Variants in DNAH2 observed in about 807,000 individuals in gnomAD.
DNAH2 encodes the protein dynein axonemal heavy chain 2, also known as axonemal beta dynein heavy chain 2.
In DNAH2, 323 loss-of-function variants were observed where a neutral mutation model predicts 523.5. That is an observed-to-expected ratio of 0.62 (90% CI 0.56 to 0.68). The LOEUF (loss-of-function observed/expected upper bound fraction) is 0.68, where lower values mean the gene tolerates loss of function less well. Among genes scored for constraint, DNAH2 ranks in the 30% least tolerant of loss-of-function variants. The probability of loss-of-function intolerance (pLI) is 0.00; values close to 1 mark genes in which losing one functional copy is unlikely to be tolerated. For synonymous variants in DNAH2, 2,093 were observed against 2,177.4 expected, an observed-to-expected ratio of 0.96 and a Z score of 1.08; for missense variants, 4,907 against 5,701.5, an observed-to-expected ratio of 0.86 and a Z score of 4.49.
chr17:7,768,541 C>G (rs2076233414), intron 24 of DNAH2, among the ~76,000 whole-genome samples: 1 of 152,110 alleles, frequency 6.6e-6, no homozygotes, highest in Non-Finnish European at 1.5e-5. Flanking sequence ...ACCTCACATA[C>G]CTATTTTTTG....
intron 47 of DNAH2, 23 bp downstream of exon 47, chr17:7,792,878 A>G (rs1462091503): frequency 6.2e-7 from 1 of 1,606,416 alleles, no homozygotes; most frequent in South Asian, 1.1e-5. Context: ...TCCAGGGGCC[A>G]GGCTGCCGGC....
At chr17:7,802,924 T>C (rs7208133) in intron 58 of DNAH2, among the ~76,000 whole-genome samples, 142,492 of 151,838 alleles carry the variant, frequency 0.94, 67,444 homozygotes, top group Non-Finnish European at 1. Flanking sequence ...CCTCCGGCCT[T>C]GGCCTCCCAA....
intron 28 of DNAH2, among the ~76,000 whole-genome samples, chr17:7,773,723 T>C (rs1480128721): frequency 6.6e-6 from 1 of 152,166 alleles, no homozygotes; most frequent in Non-Finnish European, 1.5e-5. Flanking sequence ...AAGATTCATA[T>C]TCTGTTTTTC....
chr17:7,820,660 T>C (rs2077826181), intron 72 of DNAH2, among the ~76,000 whole-genome samples: 1 of 152,240 alleles, frequency 6.6e-6, no homozygotes, highest in South Asian at 2.1e-4. Context: ...TTATTCATCT[T>C]TGTGTCTTCA....
intron 61 of DNAH2, 124 bp downstream of exon 61, chr17:7,805,517 G>C: frequency 7.2e-7 from 1 of 1,393,224 alleles, no homozygotes; most frequent in Non-Finnish European, 9.7e-7. Flanking sequence ...CAAGAGCACA[G>C]GGCCTAGTAG....
At chr17:7,792,928 A>T in intron 47 of DNAH2, 53 bp from the exon 48 acceptor site, 1 of 1,602,998 alleles carries the variant, frequency 6.2e-7, no homozygotes, top group African/African-American at 1.3e-5. Flanking sequence ...CTCCTCTCTA[A>T]GCCCGTATTT....
At chr17:7,756,081 G>T (rs921040199) in intron 12 of DNAH2, among the ~76,000 whole-genome samples, 2 of 151,564 alleles carry the variant, frequency 1.3e-5, no homozygotes, top group African/African-American at 4.8e-5. Flanking sequence ...CTCTACTAAA[G>T]ATACAAAAAT....
chr17:7,737,041 T>A, intron 7 of DNAH2, 26 bp from the exon 8 acceptor site: 1 of 1,599,054 alleles, frequency 6.3e-7, no homozygotes, highest in Non-Finnish European at 8.6e-7. Context: ...TGCATAAATC[T>A]ATTTCTCATC....
chr17:7,721,526 G>A (rs191675459), intron 2 of DNAH2, among the ~76,000 whole-genome samples: 209 of 142,626 alleles, frequency 1.5e-3, no homozygotes, highest in Admixed American at 2.8e-3. Context: ...TTTCCCAAGG[G>A]AGTTGGATCA....
chr17:7,731,475 T>G (rs1161239053), intron 4 of DNAH2, among the ~76,000 whole-genome samples: 1 of 152,112 alleles, frequency 6.6e-6, no homozygotes, highest in South Asian at 2.1e-4. Flanking sequence ...TAAATTCAAG[T>G]AAAATTAAAT....
intron 4 of DNAH2, among the ~76,000 whole-genome samples, chr17:7,730,465 C>T (rs1345736866): frequency 6.6e-6 from 1 of 152,152 alleles, no homozygotes; most frequent in Admixed American, 6.6e-5. Flanking sequence ...CCCTGAAATG[C>T]AGAAGGAACT....
At chr17:7,825,893 A>G (rs547694770) in intron 77 of DNAH2, among the ~76,000 whole-genome samples, 2 of 152,244 alleles carry the variant, frequency 1.3e-5, no homozygotes, top group Non-Finnish European at 2.9e-5. Context: ...GTTTAGAGGC[A>G]GGATATTTTT....
rs751205570 is a variant in DNAH2 at position 7,768,001 on chromosome 17, C to T, written c.3777C>T (p.Thr1259=). ...TGRFLILQTE[T]METTAHGLFR... ...GGTTCCTGATCCTGCAGACGGAAAC[C>T]ATGGAGACCACGGCCCACGGGCTGT... The change falls in exon 23 of 86, where the codon ACC becomes ACT. Residue 1259 remains threonine (T), a synonymous_variant. Transcript: ENST00000572933. 1.2e-6 allele frequency: 2 copies of T among 1,614,182 alleles called. No individual in the cohort carries two copies. The highest frequency in any genetic ancestry group is 1.1e-5 in the South Asian group (1 of 91,080).
intron 12 of DNAH2, among the ~76,000 whole-genome samples, chr17:7,745,141 C>G (rs1052580107): frequency 2.0e-5 from 3 of 151,974 alleles, no homozygotes; most frequent in African/African-American, 7.3e-5. Context: ...ATTACAGGCG[C>G]CCGCCACCAC....
chr17:7,741,261 T>C (rs2075316236), intron 11 of DNAH2, among the ~76,000 whole-genome samples: 4 of 43,174 alleles, frequency 9.3e-5, no homozygotes, highest in African/African-American at 4.0e-4. Context: ...TTTCTTTCTT[T>C]CTTTCTTTCT....
rs1044388691 is a variant in DNAH2 at position 7,734,126 on chromosome 17, C to G, written c.629-57C>G. ...TACCGATCATCAACCGTGATTCCTA[C>G]GGGGCCAGCAAGAACTCATCCCCTC... On this transcript the variant is annotated intron_variant, in intron 5 of 85. Coordinates refer to ENST00000572933, the MANE Select transcript of DNAH2 (RefSeq NM_020877.5). 3 of 1,462,198 alleles carry G rather than the reference C, an allele frequency of 2.1e-6. No homozygotes were observed. In the African/African-American group the frequency reaches 4.2e-5, roughly 21 times the overall value. The allele number at this position is 1,462,198 out of a possible 1,614,324, so 90.6% of individuals were successfully genotyped here.
chr17:7,765,126 C>G (rs534305284), intron 20 of DNAH2, among the ~76,000 whole-genome samples: 1 of 152,180 alleles, frequency 6.6e-6, no homozygotes, highest in Non-Finnish European at 1.5e-5. Context: ...GTGCAAAACT[C>G]GTCCCCAGAC....
chr17:7,743,401 C>T (rs1278331866), intron 12 of DNAH2: 1 of 699,704 alleles, frequency 1.4e-6, no homozygotes, highest in Admixed American at 2.0e-5. Context: ...CACGGTGGCT[C>T]ACACCTGTAA....
chr17:7,779,550 A>C, intron 36 of DNAH2, 127 bp downstream of exon 36: 3 of 1,064,894 alleles, frequency 2.8e-6, no homozygotes, highest in South Asian at 3.2e-5. Flanking sequence ...CTGGCTAAAG[A>C]TAGCAAAGGG....
Sources: allele counts gnomAD v4.1 joint callset (sites outside exome capture counted in the v4.1 genomes callset), GRCh38; gene constraint gnomAD v4.1.1; transcripts MANE v1.5; gene names NCBI Gene and HGNC (gene_info 2026-07-23, HGNC 2026-07-21).